Variants in TPRG1 observed in about 807,000 individuals in gnomAD.
The protein encoded by TPRG1 is tumor protein p63-regulated gene 1 protein.
Under a neutral mutation model 29.3 loss-of-function variants are expected in TPRG1, and 29 were observed. That is an observed-to-expected ratio of 0.99 (90% CI 0.74 to 1.35). The LOEUF is 1.35. Ranked by LOEUF, TPRG1 falls within the 40% of genes most tolerant of loss-of-function variation. The probability of loss-of-function intolerance (pLI) is 0.00; values close to 1 mark genes in which losing one functional copy is unlikely to be tolerated. For synonymous variants in TPRG1, 130 were observed against 116.8 expected, an observed-to-expected ratio of 1.11 and a Z score of -0.73; for missense variants, 327 against 335.0, an observed-to-expected ratio of 0.98 and a Z score of 0.19.
At chr3:189,170,627 T>C (rs1045003547), upstream of TPRG1, among the ~76,000 whole-genome samples, 4 of 152,212 alleles carry the variant, frequency 2.6e-5, no homozygotes, top group Non-Finnish European at 4.4e-5. Context: ...TTCATATCCT[T>C]GTCTATGTGG....
intron 1 of TPRG1, among the ~76,000 whole-genome samples, chr3:189,116,702 A>G (rs1309080697): frequency 6.6e-6 from 1 of 152,230 alleles, no homozygotes; most frequent in East Asian, 1.9e-4. Flanking sequence ...CAAATACTGT[A>G]TGATTCTATT....
chr3:189,219,885 C>A, intron 3 of TPRG1: 1 of 475,100 alleles, frequency 2.1e-6, no homozygotes, highest in Non-Finnish European at 2.8e-6. Flanking sequence ...CCCCCAACTC[C>A]ACCTGGTGTC....
At chr3:189,301,762 A>G (rs554197147) in intron 4 of TPRG1, among the ~76,000 whole-genome samples, 2 of 152,154 alleles carry the variant, frequency 1.3e-5, no homozygotes, top group African/African-American at 2.4e-5. Context: ...CTCTGAACAC[A>G]CTATGCCTCT....
At chr3:189,251,345 TG>T (rs1742221277) in intron 4 of TPRG1, among the ~76,000 whole-genome samples, 1 of 152,182 alleles carries the variant, frequency 6.6e-6, no homozygotes, top group Non-Finnish European at 1.5e-5. Context: ...GTGGATGATT[TG>T]TGTGAAATGA....
At chr3:189,269,974 A>G (rs149106273) in intron 4 of TPRG1, among the ~76,000 whole-genome samples, 3 of 152,304 alleles carry the variant, frequency 2.0e-5, no homozygotes, top group African/African-American at 7.2e-5. Flanking sequence ...TTGACTTTTC[A>G]TAAACAGGCT....
upstream of TPRG1, among the ~76,000 whole-genome samples, chr3:189,169,454 CAGGCCCGGCCTGTAAAGGTTA>C (rs1402676189): frequency 1.3e-5 from 2 of 152,168 alleles, no homozygotes; most frequent in African/African-American, 4.8e-5. Flanking sequence ...CATGAGCCAC[CAGGCCCGGCCTGTAAAGGTTA>C]TTATAGAAGA....
At chr3:189,190,684 C>A (rs970982673) in intron 1 of TPRG1, among the ~76,000 whole-genome samples, 2 of 152,096 alleles carry the variant, frequency 1.3e-5, no homozygotes, top group Non-Finnish European at 2.9e-5. Context: ...TTAATCTTCA[C>A]AAAAATTGTG....
Position 189,322,238 on chromosome 3 carries a change from T to C in TPRG1, c.*1418T>C, listed in dbSNP as rs549868297. The C allele has an allele frequency of 6.6e-6, 1 of 152,188 alleles. No homozygotes were observed. The highest frequency in any genetic ancestry group is 2.4e-5 in the African/African-American group (1 of 41,452). 9.4% of individuals were successfully genotyped at this position (152,188 alleles called of 1,614,324 possible). ...GACTTTTATGTGAAGTTTAAAGTCT[T>C]TTCTTTGAAAAGCTTGCTTCCTCAA... On this transcript the variant is annotated 3_prime_UTR_variant, in exon 6 of 6. Coordinates refer to ENST00000345063, the MANE Select transcript of TPRG1 (RefSeq NM_198485.4).
At chr3:189,185,702 T>C (rs1412557857) in intron 1 of TPRG1, among the ~76,000 whole-genome samples, 1 of 152,226 alleles carries the variant, frequency 6.6e-6, no homozygotes, top group Non-Finnish European at 1.5e-5. Flanking sequence ...GCAGCATGTG[T>C]TTCCAATGCA....
chr3:189,211,150 A>G (rs942871088), intron 2 of TPRG1, among the ~76,000 whole-genome samples: 2 of 152,174 alleles, frequency 1.3e-5, no homozygotes, highest in Non-Finnish European at 2.9e-5. Flanking sequence ...TATGCCAACT[A>G]TTATTTCCCA....
intron 1 of TPRG1, among the ~76,000 whole-genome samples, chr3:189,119,604 G>A (rs1007558415): frequency 7.9e-5 from 12 of 152,152 alleles, no homozygotes; most frequent in Admixed American, 2.6e-4. Flanking sequence ...AATCACAGAG[G>A]CAGTTACCCC....
At chr3:189,051,679 A>G (rs946089353) in intron 4 of TPRG1, among the ~76,000 whole-genome samples, 7 of 152,288 alleles carry the variant, frequency 4.6e-5, no homozygotes, top group African/African-American at 1.7e-4. Context: ...ACACCACACT[A>G]CCTGATTTCA....
intron 3 of TPRG1, among the ~76,000 whole-genome samples, chr3:189,143,658 T>G (rs906040700): frequency 2.6e-5 from 4 of 152,160 alleles, no homozygotes; most frequent in Non-Finnish European, 5.9e-5. Context: ...AGACACCTCT[T>G]TGTAATCCCT....
At chr3:189,184,800 G>C (rs1159506646) in intron 1 of TPRG1, among the ~76,000 whole-genome samples, 1 of 152,092 alleles carries the variant, frequency 6.6e-6, no homozygotes, top group Non-Finnish European at 1.5e-5. Context: ...CCCCTGCATG[G>C]TGTACATCAT....
chr3:189,172,804 C>T (rs1056652942), intron 1 of TPRG1, among the ~76,000 whole-genome samples: 7 of 152,132 alleles, frequency 4.6e-5, no homozygotes, highest in Admixed American at 1.3e-4. Flanking sequence ...GACTACTTGG[C>T]GCCTGAGACA....
chr3:189,072,058 G>T (rs1716842175), intron 4 of TPRG1, among the ~76,000 whole-genome samples: 1 of 152,154 alleles, frequency 6.6e-6, no homozygotes, highest in Admixed American at 6.5e-5. Context: ...CCTTTGTCAG[G>T]CTGACTTGAT....
At chr3:189,157,166 C>T (rs1206794087) in intron 5 of TPRG1, among the ~76,000 whole-genome samples, 1 of 152,174 alleles carries the variant, frequency 6.6e-6, no homozygotes, top group Non-Finnish European at 1.5e-5. Context: ...GGGGCTGCTT[C>T]GCCTTGCTAT....
chr3:189,097,681 G>T (rs533269592), upstream of TPRG1, among the ~76,000 whole-genome samples: 1 of 152,108 alleles, frequency 6.6e-6, no homozygotes, highest in African/African-American at 2.4e-5. Context: ...GAAAAATATG[G>T]CCTGATTTGG....
chr3:189,282,848 A>G (rs1462682679), intron 4 of TPRG1, among the ~76,000 whole-genome samples: 1 of 152,204 alleles, frequency 6.6e-6, no homozygotes, highest in Non-Finnish European at 1.5e-5. Context: ...ATGGGAAGAT[A>G]ATGACAGATT....
Sources: gnomAD v4.1 joint callset for allele counts (sites outside exome capture counted in the v4.1 genomes callset) on GRCh38, gnomAD v4.1.1 for gene constraint, MANE v1.5 for transcripts, NCBI Gene and HGNC (gene_info 2026-07-23, HGNC 2026-07-21) for gene names.